Variants in ELOVL6 observed in about 807,000 individuals in gnomAD.
ELOVL6 encodes the protein very long chain fatty acid elongase 6.
In ELOVL6, 8 loss-of-function variants were observed where a neutral mutation model predicts 31.7. The ratio of observed to expected loss-of-function variants is 0.25; its 90% CI spans 0.15 to 0.45. ELOVL6 has a LOEUF of 0.45. Among genes scored for constraint, ELOVL6 ranks in the 20% least tolerant of loss-of-function variants. ELOVL6 has a pLI of 1.00. For synonymous variants in ELOVL6, 101 were observed against 117.7 expected (o/e 0.86, Z 0.92); for missense variants, 126 against 326.4 (o/e 0.39, Z 4.73).
At chr4:110,085,091 GTTGAGT>G (rs1319018368) in intron 2 of ELOVL6, among the ~76,000 whole-genome samples, 3 of 152,170 alleles carry the variant, frequency 2.0e-5, no homozygotes, top group Non-Finnish European at 4.4e-5. Flanking sequence ...TTCAGACCAT[GTTGAGT>G]TTAAGATGGG....
At chr4:110,188,140 C>A (rs1286540660) in intron 1 of ELOVL6, among the ~76,000 whole-genome samples, 2 of 152,158 alleles carry the variant, frequency 1.3e-5, no homozygotes, top group Admixed American at 1.3e-4. Context: ...GGAAGAAAGT[C>A]TGGCTGCAGA....
intron 2 of ELOVL6, among the ~76,000 whole-genome samples, chr4:110,076,451 C>T (rs1030293283): frequency 6.6e-6 from 1 of 152,160 alleles, no homozygotes; most frequent in Non-Finnish European, 1.5e-5. Context: ...CTTTGTGGCA[C>T]TTGCTTTTGG....
intron 1 of ELOVL6, among the ~76,000 whole-genome samples, chr4:110,150,790 C>A (rs1262477033): frequency 6.6e-6 from 1 of 152,112 alleles, no homozygotes; most frequent in Admixed American, 6.6e-5. Context: ...GGCCTGTAGT[C>A]CCAGCACTTT....
At chr4:110,088,241 C>T (rs1049583490) in intron 2 of ELOVL6, among the ~76,000 whole-genome samples, 1 of 152,134 alleles carries the variant, frequency 6.6e-6, no homozygotes, top group African/African-American at 2.4e-5. Context: ...TATACATTTT[C>T]CGGGAGTGAA....
At chr4:110,056,116 G>T (rs1451614830) in intron 3 of ELOVL6, among the ~76,000 whole-genome samples, 3 of 112,200 alleles carry the variant, frequency 2.7e-5, no homozygotes, top group Non-Finnish European at 5.0e-5. Context: ...TTGAGTTTGT[G>T]GGAGCTGGGG....
intron 1 of ELOVL6, among the ~76,000 whole-genome samples, chr4:110,160,191 C>T (rs1397413479): frequency 6.6e-6 from 1 of 152,148 alleles, no homozygotes; most frequent in Non-Finnish European, 1.5e-5. Flanking sequence ...GACAGTGTTG[C>T]TCCTGACACC....
chr4:110,084,409 A>ATATATCACATATAT lies in ELOVL6; in HGVS notation c.221+21087_221+21088insATATATGTGATATA, dbSNP rs1214879320. Reference sequence around the variant, plus strand: ...TCGCATATATGATATATGATATATGACATACATGATATATCACATATATCA... The same window carrying ATATATCACATATAT: ...TCGCATATATGATATATGATATATGATATATCACATATATCATACATGATATATCACATATATCA... On this transcript the variant is annotated intron_variant, in intron 2 of 3. Coordinates refer to ENST00000302274, the MANE Select transcript of ELOVL6 (RefSeq NM_024090.3). Among the ~76,000 whole-genome samples, 128 of 12,000 alleles carry ATATATCACATATAT rather than the reference A, an allele frequency of 0.011. 6 individuals are homozygous for ATATATCACATATAT. In the East Asian group the frequency reaches 0.12, roughly 11 times the overall value. The allele number at this position is 12,000 out of a possible 152,430, so 7.9% of individuals were successfully genotyped here.
chr4:110,186,675 G>A (rs945632299), intron 1 of ELOVL6, among the ~76,000 whole-genome samples: 7 of 147,448 alleles, frequency 4.7e-5, no homozygotes, highest in Admixed American at 6.7e-5. Context: ...ATGGTGGCAC[G>A]TGCCTGTAAG....
intron 2 of ELOVL6, among the ~76,000 whole-genome samples, chr4:110,098,897 T>C (rs1006310004): frequency 1.3e-5 from 2 of 152,148 alleles, no homozygotes; most frequent in Admixed American, 6.6e-5. Flanking sequence ...GTACAATCAT[T>C]GTCATCATCA....
intron 2 of ELOVL6, among the ~76,000 whole-genome samples, chr4:110,094,027 G>C (rs1650387085): frequency 6.6e-6 from 1 of 152,050 alleles, no homozygotes; most frequent in Non-Finnish European, 1.5e-5. Context: ...AAGGCAGGCA[G>C]ATTACTGAGG....
chr4:110,050,099 G>C lies in ELOVL6; in HGVS notation c.*1239C>G, dbSNP rs1754798699. 1 of 152,534 alleles carries C rather than the reference G, an allele frequency of 6.6e-6. No individual in the cohort carries two copies. Among genetic ancestry groups the C allele is most frequent in the African/African-American group, 2.4e-5 (1 of 41,400 alleles). The allele number at this position is 152,534 out of a possible 1,614,324, so 9.4% of individuals were successfully genotyped here. The stretch of plus-strand genomic sequence containing the variant: ...AACTGTTTTCAGCCAAACTTGCCTT[G>C]AAGTTTGTTGTAGTATTGCCACTCA... On this transcript the variant is annotated 3_prime_UTR_variant, in exon 4 of 4. Transcript: ENST00000302274.
chr4:110,134,924 C>T (rs1034906583), intron 1 of ELOVL6, among the ~76,000 whole-genome samples: 1 of 151,960 alleles, frequency 6.6e-6, no homozygotes, highest in Non-Finnish European at 1.5e-5. Context: ...CACTGCACTC[C>T]AGCCTGTGTA....
At chr4:110,084,073 A>T (rs867067477) in intron 2 of ELOVL6, among the ~76,000 whole-genome samples, 1 of 79,418 alleles carries the variant, frequency 1.3e-5, no homozygotes, top group Non-Finnish European at 2.9e-5. Flanking sequence ...TAACATATAT[A>T]TGCTATATAT....
intron 1 of ELOVL6, among the ~76,000 whole-genome samples, chr4:110,185,844 G>A (rs1407635444): frequency 6.6e-6 from 1 of 152,128 alleles, no homozygotes; most frequent in Non-Finnish European, 1.5e-5. Flanking sequence ...TGGACTGAAA[G>A]GGGCTTCCTG....
rs544234717 is a variant in ELOVL6 at position 110,090,600 on chromosome 4, C to CTTTTTTTTTTTTTTTTTTTTTTTT, written c.221+14896_221+14897insAAAAAAAAAAAAAAAAAAAAAAAA. ...GGAACTTACAGGAAAGTTTGACTTT[C>CTTTTTTTTTTTTTTTTTTTTTTTT]TTTTTTTTTTTTTTTTTTTTCATGA... On this transcript the variant is annotated intron_variant, in intron 2 of 3. Coordinates refer to ENST00000302274, the MANE Select transcript of ELOVL6 (RefSeq NM_024090.3). Among the ~76,000 whole-genome samples, 3 of 103,712 alleles carry CTTTTTTTTTTTTTTTTTTTTTTTT rather than the reference C, an allele frequency of 2.9e-5. 1 individual carries two copies. Among genetic ancestry groups the CTTTTTTTTTTTTTTTTTTTTTTTT allele is most frequent in the African/African-American group, 8.6e-5 (2 of 23,348 alleles). 68.0% of individuals were successfully genotyped at this position (103,712 alleles called of 152,430 possible).
At chr4:110,114,346 CTTTT>C (rs1301662866) in intron 1 of ELOVL6, among the ~76,000 whole-genome samples, 3 of 150,044 alleles carry the variant, frequency 2.0e-5, no homozygotes, top group African/African-American at 4.9e-5. Context: ...ATTTTTTTTT[CTTTT>C]TTTTAGATCT....
At chr4:110,166,961 T>C (rs1758797092) in intron 1 of ELOVL6, among the ~76,000 whole-genome samples, 1 of 152,242 alleles carries the variant, frequency 6.6e-6, no homozygotes, top group African/African-American at 2.4e-5. Flanking sequence ...CAGACTGTGA[T>C]CCAAATAAGT....
chr4:110,146,192 T>TA (rs1023014490), intron 1 of ELOVL6, among the ~76,000 whole-genome samples: 13 of 152,266 alleles, frequency 8.5e-5, no homozygotes, highest in African/African-American at 2.9e-4. Flanking sequence ...GCCACATACT[T>TA]ACAGCCAACT....
intron 2 of ELOVL6, among the ~76,000 whole-genome samples, chr4:110,084,017 T>A (rs1243285063): frequency 7.3e-5 from 5 of 68,270 alleles, no homozygotes; most frequent in African/African-American, 1.2e-4. Context: ...ATATGGTATA[T>A]AACATATGCC....
Sources: allele counts gnomAD v4.1 joint callset (sites outside exome capture counted in the v4.1 genomes callset), GRCh38; gene constraint gnomAD v4.1.1; transcripts MANE v1.5; gene names NCBI Gene and HGNC (gene_info 2026-07-23, HGNC 2026-07-21).